The following ADGRE2 variants were observed in gnomAD, a reference collection of about 807,000 sequenced individuals.
The protein encoded by ADGRE2 is adhesion G protein-coupled receptor E2.
A neutral mutation model predicts 100.8 loss-of-function variants in ADGRE2; 83 were observed. That is an observed-to-expected ratio of 0.82 (90% confidence interval 0.69 to 0.99). The LOEUF (loss-of-function observed/expected upper bound fraction) is 0.99. Ranked by LOEUF, ADGRE2 falls within the 50% of genes least tolerant of loss-of-function variation. ADGRE2 has a pLI of 0.00. For synonymous variants in ADGRE2, 355 were observed against 413.0 expected, an observed-to-expected ratio of 0.86 and a Z score of 1.70; for missense variants, 814 against 1,035.7, an observed-to-expected ratio of 0.79 and a Z score of 2.94.
chr19:14,760,500 C>T (rs1272466791), intron 11 of ADGRE2, among the ~76,000 whole-genome samples: 1 of 152,026 alleles, frequency 6.6e-6, no homozygotes, highest in African/African-American at 2.4e-5. Context: ...CATAGAATTA[C>T]CATATCACCC....
chr19:14,743,891 C>A, intron 18 of ADGRE2, 107 bp from the exon 19 acceptor site: 1 of 1,022,852 alleles, frequency 9.8e-7, no homozygotes. Flanking sequence ...GATGATTTCT[C>A]AGACTGGGCT....
At chr19:14,731,155 C>T (rs1203222895), downstream of ADGRE2, 1 of 1,533,224 alleles carries the variant, frequency 6.5e-7, no homozygotes, top group East Asian at 2.4e-5. Context: ...CATTCTTCCT[C>T]CTTATAATTC....
downstream of ADGRE2, among the ~76,000 whole-genome samples, chr19:14,729,805 G>A (rs1464559617): frequency 1.3e-5 from 2 of 152,116 alleles, no homozygotes; most frequent in Non-Finnish European, 2.9e-5. Context: ...ATGAGACGAG[G>A]CATACATTAA....
intron 20 of ADGRE2, among the ~76,000 whole-genome samples, chr19:14,739,826 C>T (rs7254111): frequency 0.018 from 2,761 of 152,180 alleles, 82 homozygotes; most frequent in African/African-American, 0.061. Context: ...ATGGACTGGG[C>T]GCAGTGGCTC....
chr19:14,751,871 A>G (rs2043296418), intron 15 of ADGRE2, among the ~76,000 whole-genome samples, 200 bp from the exon 16 acceptor site: 1 of 150,274 alleles, frequency 6.7e-6, no homozygotes, highest in African/African-American at 2.4e-5. Flanking sequence ...GCCTATATAT[A>G]TATACGTGTA....
intron 6 of ADGRE2, 56 bp from the exon 7 acceptor site, chr19:14,766,437 C>T (rs961045085): frequency 4.0e-6 from 6 of 1,507,444 alleles, no homozygotes; most frequent in East Asian, 2.3e-5. Context: ...GGCCTGCCCT[C>T]CACTCACTGC....
At position 14,756,355 on chromosome 19, in the gene ADGRE2, G is replaced by A. The variant is rs369650041; in HGVS notation, c.1085-10C>T. 1.2e-4 allele frequency: 197 copies of A among 1,602,702 alleles called. No individual in the cohort carries two copies. The African/African-American group carries it at 2.5e-3, about 20-fold the overall frequency. ...ACCTCCAGGGACAATTCTATGAGTT[G>A]TGGGAATTACATAAGGGGGGTTAGG... is the stretch of plus-strand genomic sequence containing the variant. On this transcript the variant is annotated splice_polypyrimidine_tract_variant and intron_variant, in intron 11 of 20. Transcript: ENST00000315576.
chr19:14,736,676 T>A (rs1295348126), intron 20 of ADGRE2, among the ~76,000 whole-genome samples: 4 of 140,202 alleles, frequency 2.9e-5, no homozygotes, highest in East Asian at 2.2e-4. Context: ...ATATATATAT[T>A]TAGAAATATA....
At chr19:14,774,983 T>TA (rs1411542807) in intron 2 of ADGRE2, among the ~76,000 whole-genome samples, 2 of 141,040 alleles carry the variant, frequency 1.4e-5, no homozygotes, top group East Asian at 4.3e-4. Context: ...TCAAAAATTT[T>TA]AAAATGATTT....
intron 20 of ADGRE2, among the ~76,000 whole-genome samples, chr19:14,738,810 A>G (rs368355080): frequency 1.2e-4 from 19 of 152,322 alleles, no homozygotes; most frequent in East Asian, 1.2e-3. Context: ...TATTTAATGC[A>G]TAATTAATAT....
chr19:14,758,439 A>C (rs1290153023), intron 11 of ADGRE2, among the ~76,000 whole-genome samples: 2 of 152,366 alleles, frequency 1.3e-5, no homozygotes, highest in African/African-American at 2.4e-5. Context: ...ATTAGTTATC[A>C]GGGAAGGGCA....
chr19:14,772,696 C>T (rs1041796208), intron 4 of ADGRE2, among the ~76,000 whole-genome samples, 199 bp from the exon 5 acceptor site: 7 of 149,276 alleles, frequency 4.7e-5, no homozygotes, highest in African/African-American at 1.7e-4. Flanking sequence ...CTCTGGCTGG[C>T]ATCCTAGATT....
At chr19:14,749,017 G>T (rs962030499) in intron 16 of ADGRE2, among the ~76,000 whole-genome samples, 2 of 151,324 alleles carry the variant, frequency 1.3e-5, no homozygotes, top group African/African-American at 4.9e-5. Context: ...CATATTAATA[G>T]AATAAAGGAT....
intron 10 of ADGRE2, among the ~76,000 whole-genome samples, chr19:14,765,062 T>C (rs1406484707): frequency 6.6e-6 from 1 of 152,156 alleles, no homozygotes; most frequent in Non-Finnish European, 1.5e-5. Context: ...TCCTTGACTC[T>C]GGTTATGGCC....
At chr19:14,753,290 G>T (rs534288686) in intron 14 of ADGRE2, among the ~76,000 whole-genome samples, 2 of 152,024 alleles carry the variant, frequency 1.3e-5, no homozygotes, top group South Asian at 4.1e-4. Flanking sequence ...GACTTGTGGA[G>T]GGGGGAGCTA....
At chr19:14,739,492 A>T (rs1043315545) in intron 20 of ADGRE2, among the ~76,000 whole-genome samples, 2 of 152,142 alleles carry the variant, frequency 1.3e-5, no homozygotes, top group Non-Finnish European at 2.9e-5. Flanking sequence ...ATGTGTATAT[A>T]TCATTTCTAG....
chr19:14,758,728 C>G (rs1303214105), intron 11 of ADGRE2, among the ~76,000 whole-genome samples: 3 of 151,562 alleles, frequency 2.0e-5, no homozygotes, highest in Non-Finnish European at 4.4e-5. Flanking sequence ...ACTAAAAATA[C>G]AAAAAAATTA....
rs1192444287 is a variant in ADGRE2, at chr19:14,751,614, A to G, written c.1846T>C (p.Trp616Arg). The G allele has an allele frequency of 1.2e-6, 2 of 1,613,938 alleles. No individual in the cohort carries two copies. The highest frequency in any genetic ancestry group is 1.3e-5 in the African/African-American group (1 of 74,894). Residue 616 changes from tryptophan (W) to arginine (R), a missense_variant, in exon 16 of 21, where the codon TGG becomes CGG. By Grantham distance (101) the Trp-to-Arg change is moderately radical. Around this residue, in one of 5 missense-constraint regions of ADGRE2, gnomAD observed 569 missense variants for 692.7 expected, o/e 0.82. Coordinates refer to ENST00000315576, the MANE Select transcript of ADGRE2 (RefSeq NM_013447.4). ...LHYLYLATLT[W>R]MLLEALYLFL... ...AGGTACAGGGCCTCCAGCAGCATCC[A>G]GGTCAAGGTGGCCAGGTAGAGATAG...
chr19:14,770,358 C>T (rs1296863733), intron 5 of ADGRE2, among the ~76,000 whole-genome samples: 1 of 152,154 alleles, frequency 6.6e-6, no homozygotes, highest in Non-Finnish European at 1.5e-5. Context: ...AGGCCCTCAC[C>T]AGAAGCAGAT....
Sources: gnomAD v4.1 joint callset for allele counts (sites outside exome capture counted in the v4.1 genomes callset) on GRCh38, gnomAD v4.1.1 for gene constraint, gnomAD v4.1.1 regional missense constraint, MANE v1.5 for transcripts, NCBI Gene and HGNC (gene_info 2026-07-23, HGNC 2026-07-21) for gene names.